IL1RAPL1: variants seen among roughly 807,000 people sequenced by gnomAD.
IL1RAPL1 encodes the protein interleukin 1 receptor accessory protein like 1.
IL1RAPL1 carries 3 observed loss-of-function variants against 48.4 expected under a neutral mutation model. That is an observed-to-expected ratio of 0.06 (90% CI 0.03 to 0.16). The LOEUF (loss-of-function observed/expected upper bound fraction) is 0.16. IL1RAPL1 is among the 10% of genes least tolerant of loss of function. The pLI, the probability that IL1RAPL1 is intolerant of heterozygous loss-of-function variation, is 1.00. For synonymous variants in IL1RAPL1, 185 were observed against 187.7 expected (o/e 0.99, Z 0.12); for missense variants, 349 against 530.6 (o/e 0.66, Z 3.36).
At chrX:29,588,240 T>C (rs1463445200) in intron 5 of IL1RAPL1, among the ~76,000 whole-genome samples, 2 of 112,402 alleles carry the variant, frequency 1.8e-5, no homozygotes, top group East Asian at 2.8e-4. Flanking sequence ...GGCATTGTAC[T>C]TTGCACTGGA....
chrX:28,793,040 G>C (rs1395896693), intron 2 of IL1RAPL1, among the ~76,000 whole-genome samples: 1 of 105,282 alleles, frequency 9.5e-6, no homozygotes, highest in Non-Finnish European at 1.9e-5. Flanking sequence ...AATATCTATG[G>C]AAGCACATAT....
chrX:28,602,891 A>G (rs1481483343), intron 1 of IL1RAPL1, among the ~76,000 whole-genome samples: 1 of 111,781 alleles, frequency 8.9e-6, no homozygotes, highest in Non-Finnish European at 1.9e-5. Flanking sequence ...GATATTATGA[A>G]AATTAAAGGT....
chrX:29,953,308 T>C (rs777637306), intron 9 of IL1RAPL1, among the ~76,000 whole-genome samples: 4 of 111,970 alleles, frequency 3.6e-5, no homozygotes, highest in Non-Finnish European at 7.5e-5. Context: ...AAGTGAACTA[T>C]GAATCTTGAT....
intron 5 of IL1RAPL1, among the ~76,000 whole-genome samples, chrX:29,635,168 G>T (rs1354426938): frequency 9.0e-6 from 1 of 111,469 alleles, no homozygotes; most frequent in Non-Finnish European, 1.9e-5. Flanking sequence ...TATCAAATAA[G>T]TGATGCAAGA....
intron 3 of IL1RAPL1, among the ~76,000 whole-genome samples, chrX:29,365,173 C>T (rs1301847808): frequency 9.0e-6 from 1 of 111,121 alleles, no homozygotes; most frequent in African/African-American, 3.3e-5. Flanking sequence ...GGGTGGTGCT[C>T]AGGCAGAGAA....
intron 5 of IL1RAPL1, among the ~76,000 whole-genome samples, chrX:29,551,063 CTA>C (rs1921801226): frequency 2.7e-5 from 3 of 112,399 alleles, no homozygotes; most frequent in African/African-American, 9.7e-5. Flanking sequence ...GAATTATACA[CTA>C]TTTGTCTTTT....
intron 5 of IL1RAPL1, among the ~76,000 whole-genome samples, chrX:29,421,268 C>G (rs1934287198): frequency 1.8e-5 from 2 of 110,819 alleles, no homozygotes; most frequent in Admixed American, 1.9e-4. Context: ...AAAAACAACA[C>G]AGCAAAGTGA....
intron 1 of IL1RAPL1, among the ~76,000 whole-genome samples, chrX:28,674,178 A>G (rs2146915918): frequency 9.0e-6 from 1 of 111,534 alleles, no homozygotes; most frequent in South Asian, 3.7e-4. Context: ...GTCAGCTTAT[A>G]TCATATTTTA....
At chrX:29,929,824 A>AC (rs1221062647) in intron 8 of IL1RAPL1, among the ~76,000 whole-genome samples, 5 of 111,622 alleles carry the variant, frequency 4.5e-5, no homozygotes, top group Non-Finnish European at 7.5e-5. Flanking sequence ...TATTTATACC[A>AC]CCTCACAATT....
At chrX:29,343,126 C>G in intron 3 of IL1RAPL1, among the ~76,000 whole-genome samples, 1 of 112,103 alleles carries the variant, frequency 8.9e-6, no homozygotes, top group East Asian at 2.8e-4. Flanking sequence ...GATTTCTTCC[C>G]TGTATTTATT....
chrX:29,125,619 C>T (rs757753583), intron 2 of IL1RAPL1, among the ~76,000 whole-genome samples: 13 of 111,600 alleles, frequency 1.2e-4, no homozygotes, highest in African/African-American at 3.9e-4. Context: ...AGTCTATTCA[C>T]TAGTCCCTTT....
At chrX:29,562,120 A>G (rs1423509289) in intron 5 of IL1RAPL1, among the ~76,000 whole-genome samples, 799 of 21,388 alleles carry the variant, frequency 0.037, 18 homozygotes, top group African/African-American at 0.12. Flanking sequence ...TATCTAATCT[A>G]TCTATCTATC....
chrX:29,613,802 T>C (rs1237079324), intron 5 of IL1RAPL1, among the ~76,000 whole-genome samples: 8 of 97,189 alleles, frequency 8.2e-5, no homozygotes, highest in South Asian at 1.1e-3. Context: ...CTCGCTCTGT[T>C]GCCCAGGCTG....
chrX:29,026,286 A>G (rs144458266), intron 2 of IL1RAPL1, among the ~76,000 whole-genome samples: 2,139 of 112,388 alleles, frequency 0.019, 24 homozygotes, highest in Non-Finnish European at 0.029. Flanking sequence ...AGAAACCATG[A>G]TAACTTCTGT....
At chrX:29,542,179 A>C (rs1404067506) in intron 5 of IL1RAPL1, among the ~76,000 whole-genome samples, 1 of 111,160 alleles carries the variant, frequency 9.0e-6, no homozygotes, top group African/African-American at 3.3e-5. Context: ...TTATTATAGA[A>C]AGAAAGCCTA....
At chrX:28,810,117 A>G (rs1936776265) in intron 2 of IL1RAPL1, among the ~76,000 whole-genome samples, 1 of 110,336 alleles carries the variant, frequency 9.1e-6, no homozygotes, top group Admixed American at 9.8e-5. Context: ...CGAGATTCCT[A>G]TTCAGTCTTC....
chrX:29,162,656 A>G (rs1602089419), intron 2 of IL1RAPL1, among the ~76,000 whole-genome samples: 1 of 111,565 alleles, frequency 9.0e-6, no homozygotes, highest in South Asian at 3.7e-4. Flanking sequence ...TCATGGCTCA[A>G]TCGAGGAAAT....
intron 2 of IL1RAPL1, among the ~76,000 whole-genome samples, chrX:28,835,157 G>C (rs902849485): frequency 1.8e-5 from 2 of 111,114 alleles, no homozygotes; most frequent in Non-Finnish European, 3.8e-5. Context: ...AGGATATCAC[G>C]TTAATATCTG....
At chrX:29,326,817 T>C (rs1416056720) in intron 3 of IL1RAPL1, among the ~76,000 whole-genome samples, 2 of 112,151 alleles carry the variant, frequency 1.8e-5, no homozygotes, top group Non-Finnish European at 3.8e-5. Context: ...CCCATTGTCA[T>C]ATTGGGGCTG....
Sources: allele counts gnomAD v4.1 joint callset (sites outside exome capture counted in the v4.1 genomes callset), GRCh38; gene constraint gnomAD v4.1.1; transcripts MANE v1.5; gene names NCBI Gene and HGNC (gene_info 2026-07-23, HGNC 2026-07-21).